LCN1: variants seen among roughly 807,000 people sequenced by gnomAD.
The protein encoded by LCN1 is lipocalin 1.
LCN1 carries 25 observed loss-of-function variants against 22.3 expected under a neutral mutation model. That is an observed-to-expected ratio of 1.12 (90% confidence interval 0.82 to 1.56). The LOEUF (loss-of-function observed/expected upper bound fraction) is 1.56, where lower values mean the gene tolerates loss of function less well. Ranked by LOEUF, LCN1 falls within the 40% of genes most tolerant of loss-of-function variation. The probability of loss-of-function intolerance (pLI) is 0.00; values close to 1 mark genes in which losing one functional copy is unlikely to be tolerated. For synonymous variants in LCN1, 85 were observed against 97.6 expected, an observed-to-expected ratio of 0.87 and a Z score of 0.76; for missense variants, 219 against 235.6, an observed-to-expected ratio of 0.93 and a Z score of 0.46.
At position 135,525,298 on chromosome 9, in the gene LCN1, G is replaced by A. The variant is rs1831606315; in HGVS notation, c.*1+140G>A. 4.9e-6 allele frequency: 4 copies of A among 811,010 alleles called. No homozygotes were observed. The South Asian group carries it at 5.4e-5, about 11-fold the overall frequency. 50.2% of individuals were successfully genotyped at this position (811,010 alleles called of 1,614,324 possible). ...CCCCACGTAGGTCAGGCAGGTGGGA[G>A]CTCTGCTCCTGAGCTGCCCACGCTC... On this transcript the variant is annotated intron_variant, in intron 6 of 6. Coordinates refer to ENST00000371781, the MANE Select transcript of LCN1 (RefSeq NM_002297.4).
chr9:135,524,810 T>TCAGAGCACCCACAGG lies in LCN1; in HGVS notation c.404-19_404-18insAGAGCACCCACAGGC. 3 of 1,580,716 alleles carry TCAGAGCACCCACAGG rather than the reference T, an allele frequency of 1.9e-6. No individual in the cohort carries two copies. The South Asian group carries it at 3.5e-5, about 18-fold the overall frequency. On this transcript the variant is annotated intron_variant, in intron 4 of 6. Transcript: ENST00000371781. The stretch of plus-strand genomic sequence containing the variant: ...CCCAGTGCTGCCTCGAGCACCCACA[T>TCAGAGCACCCACAGG]CTCGTCCTGGCACCCACAGGCAGAG...
At chr9:135,524,977 A>G in intron 5 of LCN1, 46 bp downstream of exon 5, 2 of 1,570,040 alleles carry the variant, frequency 1.3e-6, no homozygotes, top group Non-Finnish European at 1.7e-6. Context: ...CCGCGTGGGG[A>G]CATCAGCAGA....
At position 135,523,165 on chromosome 9, in the gene LCN1, A is replaced by G. The variant is rs1831541259; in HGVS notation, c.222-67A>G. On this transcript the variant is annotated intron_variant, in intron 2 of 6. Coordinates refer to ENST00000371781, the MANE Select transcript of LCN1 (RefSeq NM_002297.4). ...GGCCACATTTGCAGGGCATTGCAGC[A>G]TGGTTGCTCCAGGGCCGGGGGAGGC... 8 of 1,454,696 alleles carry G rather than the reference A, an allele frequency of 5.5e-6. No homozygotes were observed. In the Admixed American group the frequency reaches 9.6e-5, roughly 17 times the overall value. The allele number at this position is 1,454,696 out of a possible 1,614,324, so 90.1% of individuals were successfully genotyped here.
chr9:135,523,008 G>A (rs1053891449), intron 2 of LCN1, among the ~76,000 whole-genome samples: 1 of 152,230 alleles, frequency 6.6e-6, no homozygotes, highest in Non-Finnish European at 1.5e-5. Context: ...CAGCCACCAG[G>A]AGGAGCGGTG....
At position 135,524,864 on chromosome 9, in the gene LCN1, G is replaced by A. The variant is rs1427959340; in HGVS notation, c.438G>A (p.Glu146=). 6.2e-7 allele frequency: 1 copy of A among 1,608,232 alleles called. No individual in the cohort carries two copies. Among genetic ancestry groups the A allele is most frequent in the Non-Finnish European group, 8.5e-7 (1 of 1,177,416 alleles). ...RDPKNNLEAL[E]DFEKAAGARG... ...CCAAGAACAACCTGGAAGCCTTGGA[G>A]GACTTTGAGAAAGCCGCAGGAGCCC... is the stretch of plus-strand genomic sequence containing the variant. Residue 146 remains glutamate (E), a synonymous_variant, in exon 5 of 7, where the codon GAG becomes GAA. Coordinates refer to ENST00000371781, the MANE Select transcript of LCN1 (RefSeq NM_002297.4).
At chr9:135,522,441 T>C (rs1588381185) in intron 2 of LCN1, among the ~76,000 whole-genome samples, 1 of 152,242 alleles carries the variant, frequency 6.6e-6, no homozygotes, top group East Asian at 1.9e-4. Context: ...GACTAGGGAA[T>C]GTCTGGTGAC....
intron 5 of LCN1, 27 bp downstream of exon 5, chr9:135,524,958 C>T: frequency 6.3e-7 from 1 of 1,592,978 alleles, no homozygotes; most frequent in African/African-American, 1.3e-5. Context: ...TGCAGAGCCC[C>T]CCATGTCCCC....
intron 4 of LCN1, among the ~76,000 whole-genome samples, chr9:135,524,405 C>T (rs974676556): frequency 2.0e-5 from 3 of 152,178 alleles, no homozygotes; most frequent in Non-Finnish European, 4.4e-5. Context: ...ATTCCGGACG[C>T]GGTGCCTCCC....
chr9:135,526,033 TGTGCCCACACACCATAGCCCCC>T, intron 6 of LCN1, among the ~76,000 whole-genome samples: 1 of 49,026 alleles, frequency 2.0e-5, no homozygotes, highest in African/African-American at 9.5e-5. Context: ...AGAGCCCACA[TGTGCCCACACACCATAGCCCCC>T]GAGAGCCCAC....
At chr9:135,523,814 C>T in intron 3 of LCN1, 66 bp from the exon 4 acceptor site, 1 of 1,378,866 alleles carries the variant, frequency 7.3e-7, no homozygotes, top group South Asian at 1.2e-5. Context: ...GCAACGCACG[C>T]TGTCCCGGGA....
At chr9:135,524,327 G>A (rs1397382895) in intron 4 of LCN1, among the ~76,000 whole-genome samples, 2 of 152,198 alleles carry the variant, frequency 1.3e-5, no homozygotes, top group Non-Finnish European at 2.9e-5. Flanking sequence ...GGGGTGTCCA[G>A]CAGGAGAGAG....
intron 6 of LCN1, 65 bp downstream of exon 6, chr9:135,525,223 A>AGACCCCAT: frequency 2.0e-6 from 3 of 1,528,842 alleles, no homozygotes; most frequent in Non-Finnish European, 1.8e-6. Flanking sequence ...GTGCTTCCAG[A>AGACCCCAT]GGCCATGGGG....
rs1030244517 is a variant in LCN1, at chr9:135,524,838, C to T, written c.412C>T (p.Pro138Ser). ...VRGVKLVGRD[P>S]KNNLEALEDF... ...CGTCCTGGCACCCACAGGCAGAGAC[C>T]CCAAGAACAACCTGGAAGCCTTGGA... Residue 138 changes from proline to serine, a missense_variant, in exon 5 of 7, where the codon CCC becomes TCC. Coordinates refer to ENST00000371781, the MANE Select transcript of LCN1 (RefSeq NM_002297.4). 1.8e-5 allele frequency: 29 copies of T among 1,603,480 alleles called. No individual in the cohort carries two copies. Among genetic ancestry groups the T allele is most frequent in the Non-Finnish European group, 2.4e-5 (28 of 1,175,316 alleles).
Position 135,525,189 on chromosome 9 carries a change from A to G in LCN1, c.*1+31A>G, listed in dbSNP as rs764221109. 7.5e-6 allele frequency: 12 copies of G among 1,609,230 alleles called. No homozygotes were observed. The East Asian group carries it at 2.7e-4, about 36-fold the overall frequency. The stretch of plus-strand genomic sequence containing the variant: ...TGAACAGCTTTAGAGGACATTTGAG[A>G]AAATCCAGTTCTGGGGCTCAGTGGT... On this transcript the variant is annotated intron_variant, in intron 6 of 6. Coordinates refer to ENST00000371781, the MANE Select transcript of LCN1 (RefSeq NM_002297.4).
chr9:135,523,250 G>C lies in LCN1; in HGVS notation c.240G>C (p.Gln80His), dbSNP rs1831544060. The C allele has an allele frequency of 1.2e-6, 2 of 1,612,502 alleles. No individual in the cohort carries two copies. The highest frequency in any genetic ancestry group is 4.5e-5 in the East Asian group (2 of 44,876). ...KVTMLISGRC[Q>H]EVKAVLEKTD... ...TTTCCAGGATAAGTGGCCGGTGCCA[G>C]GAGGTGAAGGCCGTCCTGGAGAAAA... Residue 80 changes from glutamine to histidine, a missense_variant, in exon 3 of 7, where the codon CAG becomes CAC. By Grantham distance (24) the Gln-to-His change is conservative. Coordinates refer to ENST00000371781, the MANE Select transcript of LCN1 (RefSeq NM_002297.4).
chr9:135,522,941 C>T (rs1831535140), intron 2 of LCN1, among the ~76,000 whole-genome samples: 1 of 150,218 alleles, frequency 6.7e-6, no homozygotes, highest in Non-Finnish European at 1.5e-5. Context: ...GCCTGCAAAC[C>T]AGGCAGCCTG....
intron 5 of LCN1, 82 bp downstream of exon 5, chr9:135,525,013 T>C (rs1831596819): frequency 6.4e-7 from 1 of 1,558,312 alleles, no homozygotes; most frequent in African/African-American, 1.4e-5. Context: ...CGCATAACTG[T>C]GCTGCGTCTA....
chr9:135,525,753 C>T (rs574094421), intron 6 of LCN1, among the ~76,000 whole-genome samples: 9 of 152,104 alleles, frequency 5.9e-5, no homozygotes, highest in South Asian at 4.1e-4. Flanking sequence ...CAGCAGCCTG[C>T]GGGGGTGGTC....
At chr9:135,524,631 G>A (rs186465820) in intron 4 of LCN1, among the ~76,000 whole-genome samples, 199 bp from the exon 5 acceptor site, 3 of 152,284 alleles carry the variant, frequency 2.0e-5, no homozygotes, top group African/African-American at 7.2e-5. Flanking sequence ...CCGTTCTCCC[G>A]GTTCTGCTGC....
Sources: allele counts gnomAD v4.1 joint callset (sites outside exome capture counted in the v4.1 genomes callset), GRCh38; gene constraint gnomAD v4.1.1; transcripts MANE v1.5; gene names NCBI Gene and HGNC (gene_info 2026-07-23, HGNC 2026-07-21).